The following SYT12 variants were observed in gnomAD, a reference collection of about 807,000 sequenced individuals.
SYT12 encodes the protein synaptotagmin-12.
A neutral mutation model predicts 39.5 loss-of-function variants in SYT12; 27 were observed. The observed-to-expected ratio is 0.68, with a 90% CI of 0.50 to 0.94. The LOEUF is 0.94. Ranked by LOEUF, SYT12 falls within the 40% of genes least tolerant of loss-of-function variation. SYT12 has a pLI of 0.00. For missense variants in SYT12, 536 were observed against 572.6 expected, an observed-to-expected ratio of 0.94 and a Z score of 0.65; for synonymous variants, 233 against 239.7, an observed-to-expected ratio of 0.97 and a Z score of 0.26.
rs1274134647 is a variant in SYT12 at position 67,041,603 on chromosome 11, A to G, written c.621+1400A>G. On this transcript the variant is annotated intron_variant, in intron 4 of 7. Transcript: ENST00000527043. ...AGGGCGTAACAGGAGGGGCTGTCCC[A>G]CTCTAGATCTGAAGGGGTGAGGGGA... 2.6e-5 allele frequency among the ~76,000 whole-genome samples: 4 copies of G among 152,290 alleles called. No individual in the cohort carries two copies. In the East Asian group the frequency reaches 7.7e-4, roughly 29 times the overall value.
At chr11:67,017,534 T>C (rs1300758703) in intron 3 of SYT12, among the ~76,000 whole-genome samples, 1 of 151,612 alleles carries the variant, frequency 6.6e-6, no homozygotes, top group Non-Finnish European at 1.5e-5. Flanking sequence ...TAATTTTTCA[T>C]ATTTTCAGTA....
chr11:67,034,838 G>A lies in SYT12; in HGVS notation c.228G>A (p.Lys76=). 8 of 1,535,348 alleles carry A rather than the reference G, an allele frequency of 5.2e-6. No homozygotes were observed. The highest frequency in any genetic ancestry group is 7.0e-6 in the Non-Finnish European group (8 of 1,146,422). ...YGESCAEARE[K]RVPAWNAQRA... ...AGAGCTGCGCAGAGGCCAGGGAGAA[G>A]GTGAGGCTTCTGCTCCTGCAGGTGC... The change falls in exon 3 of 8, where the codon AAG becomes AAA. Residue 76 remains lysine, a splice_region_variant and synonymous_variant. Transcript: ENST00000527043.
intron 3 of SYT12, among the ~76,000 whole-genome samples, chr11:67,038,075 A>G (rs1358728352): frequency 1.3e-5 from 2 of 151,612 alleles, no homozygotes; most frequent in East Asian, 1.9e-4. Flanking sequence ...TAATGAAGGC[A>G]TGGAAGATGC....
chr11:67,032,452 C>G (rs900055499), intron 2 of SYT12: 1 of 152,232 alleles, frequency 6.6e-6, no homozygotes, highest in Non-Finnish European at 1.5e-5. Flanking sequence ...TCTTGTCATC[C>G]GCATTTTCCA....
chr11:67,028,509 A>G (rs1260138143), intron 1 of SYT12: 3 of 152,180 alleles, frequency 2.0e-5, no homozygotes, highest in African/African-American at 4.8e-5. Context: ...TGGCACCCCA[A>G]ATGTGCTGGA....
intron 3 of SYT12, among the ~76,000 whole-genome samples, chr11:67,012,713 A>G (rs185602604): frequency 2.6e-5 from 4 of 152,300 alleles, no homozygotes; most frequent in African/African-American, 7.2e-5. Context: ...TCAGGGTCTC[A>G]TTTCAGCGTC....
At chr11:67,029,998 G>T (rs1216060609) in intron 1 of SYT12, 124 bp from the exon 2 acceptor site, 2 of 726,956 alleles carry the variant, frequency 2.8e-6, no homozygotes, top group Non-Finnish European at 4.6e-6. Flanking sequence ...CCCTTTGGTG[G>T]CACTCCCCTT....
At chr11:67,032,044 C>T (rs1950277585) in intron 2 of SYT12, 1 of 152,280 alleles carries the variant, frequency 6.6e-6, no homozygotes, top group East Asian at 1.9e-4. Context: ...AGGGTTTCTT[C>T]ACAGCCCTTC....
chr11:67,019,996 T>G (rs546221503), upstream of SYT12, among the ~76,000 whole-genome samples: 5 of 152,046 alleles, frequency 3.3e-5, no homozygotes, highest in South Asian at 1.0e-3. Context: ...CTCTTCACCT[T>G]TAAGTGTCAC....
intron 1 of SYT12, among the ~76,000 whole-genome samples, chr11:67,008,971 G>A (rs1189339096): frequency 1.3e-5 from 2 of 152,100 alleles, no homozygotes; most frequent in Admixed American, 1.3e-4. Context: ...ACTGAGAATG[G>A]TGCCAGGTAT....
intron 3 of SYT12, among the ~76,000 whole-genome samples, chr11:67,037,341 C>T (rs1477832220): frequency 6.6e-6 from 1 of 152,096 alleles, no homozygotes; most frequent in African/African-American, 2.4e-5. Context: ...GTACAAGCAA[C>T]ATAAATGTCC....
At chr11:67,028,837 T>C (rs887828973) in intron 1 of SYT12, 1 of 152,240 alleles carries the variant, frequency 6.6e-6, no homozygotes, top group African/African-American at 2.4e-5. Flanking sequence ...GCCACGGTGG[T>C]TGGCATTCCT....
chr11:67,046,587 C>A (rs1029748130), intron 7 of SYT12, among the ~76,000 whole-genome samples: 7 of 152,258 alleles, frequency 4.6e-5, no homozygotes, highest in African/African-American at 1.7e-4. Context: ...CTGCCTCACT[C>A]TGAGTGTTCC....
chr11:67,046,668 G>A (rs1224877759), intron 7 of SYT12, among the ~76,000 whole-genome samples: 3 of 152,174 alleles, frequency 2.0e-5, no homozygotes, highest in Non-Finnish European at 2.9e-5. Context: ...CCCTCGTGGA[G>A]CAGGCTGCCC....
chr11:67,022,373 T>C (rs1950118635), upstream of SYT12, among the ~76,000 whole-genome samples: 1 of 151,946 alleles, frequency 6.6e-6, no homozygotes, highest in Admixed American at 6.6e-5. Context: ...TCCCCAGGTG[T>C]CCACCCAGCC....
intron 3 of SYT12, among the ~76,000 whole-genome samples, chr11:67,035,154 C>T (rs564842295): frequency 1.8e-4 from 28 of 151,834 alleles, no homozygotes; most frequent in Admixed American, 1.6e-3. Context: ...GGATTATAAG[C>T]GTGCACCACC....
chr11:67,044,671 A>G lies in SYT12; in HGVS notation c.916A>G (p.Lys306Glu). 3 of 1,613,724 alleles carry G rather than the reference A, an allele frequency of 1.9e-6. No individual in the cohort carries two copies. Among genetic ancestry groups the G allele is most frequent in the Non-Finnish European group, 2.5e-6 (3 of 1,179,982 alleles). The change falls in exon 6 of 8, where the codon AAG (lysine) becomes GAG (glutamate). Residue 306 changes from lysine (K) to glutamate (E), a missense_variant. By Grantham distance (56) the Lys-to-Glu change is moderately conservative (BLOSUM62 1). Coordinates refer to ENST00000527043, the MANE Select transcript of SYT12 (RefSeq NM_177963.4). The part of the protein sequence containing the change: ...TAERLTVVVV[K>E]AKNLIWTNDK... ...CGAGCGCCTCACCGTGGTCGTGGTT[A>G]AGGCCAAGAACCTCATCTGGACCAA... is the stretch of plus-strand genomic sequence containing the variant.
At chr11:67,045,968 C>A in intron 7 of SYT12, 91 bp downstream of exon 7, 2 of 1,537,772 alleles carry the variant, frequency 1.3e-6, no homozygotes, top group Non-Finnish European at 8.9e-7. Flanking sequence ...AGGGCCCCTG[C>A]AGGGGTAGTG....
chr11:67,012,634 A>G (rs1467313936), intron 3 of SYT12, among the ~76,000 whole-genome samples: 1 of 152,232 alleles, frequency 6.6e-6, no homozygotes, highest in African/African-American at 2.4e-5. Context: ...GAAACGAGGC[A>G]AAAGAACCTT....
Sources: allele counts gnomAD v4.1 joint callset (sites outside exome capture counted in the v4.1 genomes callset), GRCh38; gene constraint gnomAD v4.1.1; transcripts MANE v1.5; gene names NCBI Gene and HGNC (gene_info 2026-07-23, HGNC 2026-07-21).